FGF9: variants seen among roughly 807,000 people sequenced by gnomAD.
FGF9 encodes fibroblast growth factor 9, also known as fibroblast growth factor 9 (glia-activating factor).
Under a neutral mutation model 19.9 loss-of-function variants are expected in FGF9, and 3 were observed. The observed-to-expected ratio is 0.15, with a 90% CI of 0.07 to 0.39. The LOEUF (loss-of-function observed/expected upper bound fraction) is 0.39, where lower values mean the gene tolerates loss of function less well. Among genes scored for constraint, FGF9 ranks in the 10% least tolerant of loss-of-function variants. FGF9 has a pLI of 1.00. For missense variants in FGF9, 175 were observed against 256.8 expected, an observed-to-expected ratio of 0.68 and a Z score of 2.18; for synonymous variants, 107 against 106.9, an observed-to-expected ratio of 1.00 and a Z score of -0.01.
chr13:21,703,296 G>C lies in FGF9; in HGVS notation c.*1861G>C, dbSNP rs1166732274. ...AGTGTGTCACTGGTGAGTGACAGCT[G>C]TTATGAGCTAGAAGCGCATGACTTA... On this transcript the variant is annotated 3_prime_UTR_variant, in exon 3 of 3. Coordinates refer to ENST00000382353, the MANE Select transcript of FGF9 (RefSeq NM_002010.3). 6.6e-6 allele frequency: 1 copy of C among 152,220 alleles called. No individual in the cohort carries two copies. The highest frequency in any genetic ancestry group is 1.5e-5 in the Non-Finnish European group (1 of 68,046). The allele number at this position is 152,220 out of a possible 1,614,324, so 9.4% of individuals were successfully genotyped here. A position where few individuals can be genotyped will look rare whatever the true frequency, so the allele number is the denominator to read the frequency against.
At chr13:21,696,442 A>G (rs17840904) in intron 2 of FGF9, among the ~76,000 whole-genome samples, 89 of 152,356 alleles carry the variant, frequency 5.8e-4, no homozygotes, top group African/African-American at 2.0e-3. Flanking sequence ...TGCCATAAAC[A>G]GCTATAGTTA....
chr13:21,688,114 A>G (rs531207721), intron 2 of FGF9, among the ~76,000 whole-genome samples: 2 of 152,274 alleles, frequency 1.3e-5, no homozygotes, highest in African/African-American at 4.8e-5. Context: ...TGCAGGAGCA[A>G]TTTGGAGCCA....
rs1872556520 is a variant in FGF9 at position 21,701,878 on chromosome 13, C to G, written c.*443C>G. 5.6e-6 allele frequency: 1 copy of G among 178,920 alleles called. No individual in the cohort carries two copies. Among genetic ancestry groups the G allele is most frequent in the African/African-American group, 2.4e-5 (1 of 42,348 alleles). The allele number at this position is 178,920 out of a possible 1,614,324, so 11.1% of individuals were successfully genotyped here. Reference sequence around the variant, plus strand: ...GCACAGCTGCCATACTTCGACTTATCAGGATTCTGGCTGGTGGCCTGCGCG... The same window carrying G: ...GCACAGCTGCCATACTTCGACTTATGAGGATTCTGGCTGGTGGCCTGCGCG... On this transcript the variant is annotated 3_prime_UTR_variant, in exon 3 of 3. Transcript: ENST00000382353.
Position 21,681,028 on chromosome 13 carries a change from C to T in FGF9, c.278-14C>T, listed in dbSNP as rs3818460. 523,887 of 1,593,100 alleles carry T rather than the reference C, an allele frequency of 0.33. 89,600 individuals are homozygous for T. Among genetic ancestry groups the T allele is most frequent in the East Asian group, 0.39 (17,289 of 44,728 alleles). On this transcript the variant is annotated splice_polypyrimidine_tract_variant and intron_variant, in intron 1 of 2. Transcript: ENST00000382353. ...GATCTGATCTGTCCTCTGCCTTCTA[C>T]CCTTTGTCTACAGGCATTCTGGAAT...
intron 2 of FGF9, 140 bp downstream of exon 2, chr13:21,681,285 C>T (rs1248978104): frequency 1.5e-6 from 1 of 667,866 alleles, no homozygotes; most frequent in African/African-American, 1.8e-5. Flanking sequence ...TTGAGGAAAG[C>T]CATTTTATTT....
chr13:21,702,720 A>G lies in FGF9; in HGVS notation c.*1285A>G, dbSNP rs1467765586. The G allele has an allele frequency of 1.3e-5, 2 of 152,228 alleles. No homozygotes were observed. The highest frequency in any genetic ancestry group is 2.4e-5 in the African/African-American group (1 of 41,472). The allele number at this position is 152,228 out of a possible 1,614,324, so 9.4% of individuals were successfully genotyped here. ...TCAAATATGAAATTATAGAAGTATCATAGGGGTCATTGTAACATCTTTTAG... is the reference window on the plus strand; with the variant it reads ...TCAAATATGAAATTATAGAAGTATCGTAGGGGTCATTGTAACATCTTTTAG... On this transcript the variant is annotated 3_prime_UTR_variant, in exon 3 of 3. Coordinates refer to ENST00000382353, the MANE Select transcript of FGF9 (RefSeq NM_002010.3).
Position 21,671,175 on chromosome 13 carries a change from G to T in FGF9, c.-738G>T, listed in dbSNP as rs957272445. Among the ~76,000 whole-genome samples, 5 of 152,258 alleles carry T rather than the reference G, an allele frequency of 3.3e-5. No homozygotes were observed. Among genetic ancestry groups the T allele is most frequent in the Non-Finnish European group, 5.9e-5 (4 of 68,044 alleles). Reference sequence around the variant, plus strand: ...ACACCTGTTCGCGGCAGCCTGGGCGGCACGCGAGCTCCCGGACGCGGCTCT... The same window carrying T: ...ACACCTGTTCGCGGCAGCCTGGGCGTCACGCGAGCTCCCGGACGCGGCTCT... On this transcript the variant is annotated 5_prime_UTR_variant, in exon 1 of 3. Transcript: ENST00000382353.
chr13:21,672,996 A>T lies in FGF9; in HGVS notation c.277+807A>T, dbSNP rs545948315. Among the ~76,000 whole-genome samples the T allele has an allele frequency of 6.6e-6, 1 of 152,258 alleles. No individual in the cohort carries two copies. Among genetic ancestry groups the T allele is most frequent in the South Asian group, 2.1e-4 (1 of 4,822 alleles). On this transcript the variant is annotated intron_variant, in intron 1 of 2. Coordinates refer to ENST00000382353, the MANE Select transcript of FGF9 (RefSeq NM_002010.3). This position sits in a 1 kb window ranked among gnomAD's most constrained non-coding sequence, Gnocchi z 4.2. ...AGGATTTCATTTTTCAGCGGAGGGT[A>T]TTTGTGACTCAGCACTGAGGGCTGC...
intron 2 of FGF9, among the ~76,000 whole-genome samples, chr13:21,697,919 T>G (rs576254555): frequency 1.2e-4 from 18 of 152,020 alleles, no homozygotes; most frequent in Middle Eastern, 3.4e-3. Context: ...GCCATTCTCC[T>G]GCCTCAGCCT....
chr13:21,671,822 G>A lies in FGF9; in HGVS notation c.-91G>A. 4 of 1,402,600 alleles carry A rather than the reference G, an allele frequency of 2.9e-6. No individual in the cohort carries two copies. The highest frequency in any genetic ancestry group is 3.0e-6 in the Non-Finnish European group (3 of 987,828). The allele number at this position is 1,402,600 out of a possible 1,614,324, so 86.9% of individuals were successfully genotyped here. A position where few individuals can be genotyped will look rare whatever the true frequency, so the allele number is the denominator to read the frequency against. ...CTCTCTCTCTCTGCAACTGCAGTAAGGGAGGGGAGTTGGATATACCTCGCC... is the reference window on the plus strand; with the variant it reads ...CTCTCTCTCTCTGCAACTGCAGTAAAGGAGGGGAGTTGGATATACCTCGCC... On this transcript the variant is annotated 5_prime_UTR_variant, in exon 1 of 3. Transcript: ENST00000382353.
At chr13:21,695,605 C>T (rs1208253912) in intron 2 of FGF9, among the ~76,000 whole-genome samples, 5 of 152,150 alleles carry the variant, frequency 3.3e-5, no homozygotes, top group African/African-American at 4.8e-5. Flanking sequence ...TTCTTATTAA[C>T]GGTCCTTTAG....
At chr13:21,693,832 A>G (rs535324609) in intron 2 of FGF9, among the ~76,000 whole-genome samples, 1 of 152,268 alleles carries the variant, frequency 6.6e-6, no homozygotes, top group African/African-American at 2.4e-5. Flanking sequence ...TCCTTGAAAC[A>G]GCAATCTCAT....
At chr13:21,692,858 A>G (rs1872323494) in intron 2 of FGF9, among the ~76,000 whole-genome samples, 2 of 152,238 alleles carry the variant, frequency 1.3e-5, no homozygotes. Context: ...TAAAATGCCA[A>G]CAATAAAGCC....
At chr13:21,699,136 A>G (rs531779094) in intron 2 of FGF9, among the ~76,000 whole-genome samples, 1 of 152,226 alleles carries the variant, frequency 6.6e-6, no homozygotes, top group East Asian at 1.9e-4. Flanking sequence ...CCAGAAGAGC[A>G]CCCCTCTAGG....
At position 21,673,698 on chromosome 13, in the gene FGF9, C is replaced by G. The variant is rs532999225; in HGVS notation, c.277+1509C>G. 4.0e-3 allele frequency among the ~76,000 whole-genome samples: 615 copies of G among 152,006 alleles called. 1 individual carries two copies. The highest frequency in any genetic ancestry group is 6.9e-3 in the Non-Finnish European group (468 of 67,858). ...ACCAGAACAACAGGCAGTGGGCGGC[C>G]CTGGGTGGGCGAGCGAGCGTGTCCG... On this transcript the variant is annotated intron_variant, in intron 1 of 2. Coordinates refer to ENST00000382353, the MANE Select transcript of FGF9 (RefSeq NM_002010.3).
intron 1 of FGF9, among the ~76,000 whole-genome samples, chr13:21,680,264 G>A (rs1872012064): frequency 6.6e-6 from 1 of 152,258 alleles, no homozygotes; most frequent in Non-Finnish European, 1.5e-5. Flanking sequence ...GTTTAGATAA[G>A]TATAGCAAAA....
At chr13:21,684,668 G>C (rs919519590) in intron 2 of FGF9, among the ~76,000 whole-genome samples, 1 of 152,336 alleles carries the variant, frequency 6.6e-6, no homozygotes, top group South Asian at 2.1e-4. Flanking sequence ...TATCTGCTAC[G>C]AAGTAGGCAC....
Position 21,671,501 on chromosome 13 carries a change from C to G in FGF9, c.-412C>G, listed in dbSNP as rs1487376283. 2.1e-6 allele frequency: 1 copy of G among 466,344 alleles called. No homozygotes were observed. The highest frequency in any genetic ancestry group is 2.0e-5 in the African/African-American group (1 of 50,236). The allele number at this position is 466,344 out of a possible 1,614,324, so 28.9% of individuals were successfully genotyped here. ...CGTAGCCCGTGCATCTTAAAAATCC[C>G]TATAATAACGCCTAGGCATTTAAGT... is the stretch of plus-strand genomic sequence containing the variant. On this transcript the variant is annotated 5_prime_UTR_variant, in exon 1 of 3. Coordinates refer to ENST00000382353, the MANE Select transcript of FGF9 (RefSeq NM_002010.3).
Position 21,671,588 on chromosome 13 carries a change from G to A in FGF9, c.-325G>A. 2.0e-6 allele frequency: 1 copy of A among 492,566 alleles called. No homozygotes were observed. Among genetic ancestry groups the A allele is most frequent in the South Asian group, 4.1e-5 (1 of 24,300 alleles). 30.5% of individuals were successfully genotyped at this position (492,566 alleles called of 1,614,324 possible). ...ACTACGGATTTTTTTTCCTTATTACGGTCGGATGGGATGAAGACCTTCCTG... is the reference window on the plus strand; with the variant it reads ...ACTACGGATTTTTTTTCCTTATTACAGTCGGATGGGATGAAGACCTTCCTG... On this transcript the variant is annotated 5_prime_UTR_variant, in exon 1 of 3. Transcript: ENST00000382353.
Sources: gnomAD v4.1 joint callset for allele counts (sites outside exome capture counted in the v4.1 genomes callset) on GRCh38, gnomAD v4.1.1 for gene constraint, Gnocchi (gnomAD v3.1) non-coding constraint, MANE v1.5 for transcripts, NCBI Gene and HGNC (gene_info 2026-07-23, HGNC 2026-07-21) for gene names.